Variants in ANXA7 observed in about 807,000 individuals in gnomAD.
ANXA7 encodes the protein annexin A7, also known as annexin VII.
Under a neutral mutation model 64.9 loss-of-function variants are expected in ANXA7, and 55 were observed. That is an observed-to-expected ratio of 0.85 (90% CI 0.68 to 1.06). The LOEUF is 1.06. ANXA7 is among the 50% of genes least tolerant of loss of function. The pLI, the probability that ANXA7 is intolerant of heterozygous loss-of-function variation, is 0.00. For synonymous variants in ANXA7, 200 were observed against 192.4 expected (o/e 1.04, Z -0.33); for missense variants, 548 against 582.1 (o/e 0.94, Z 0.60).
At position 73,383,108 on chromosome 10, in the gene ANXA7, C is replaced by T. The variant is rs1354996449; in HGVS notation, c.918+67G>A. The T allele has an allele frequency of 3.5e-6, 5 of 1,418,300 alleles. No homozygotes were observed. The East Asian group carries it at 7.1e-5, about 20-fold the overall frequency. 87.9% of individuals were successfully genotyped at this position (1,418,300 alleles called of 1,614,324 possible). A position where few individuals can be genotyped will look rare whatever the true frequency, so the allele number is the denominator to read the frequency against. On this transcript the variant is annotated intron_variant, in intron 9 of 12. Coordinates refer to ENST00000372921, the MANE Select transcript of ANXA7 (RefSeq NM_001156.5). ...TAAATATTAAAAGGAATAAAGAATG[C>T]TCACTGGCAAAAGGCTTTTAAAGTA...
At chr10:73,393,512 T>G (rs1172832218) in intron 5 of ANXA7, among the ~76,000 whole-genome samples, 1 of 152,008 alleles carries the variant, frequency 6.6e-6, no homozygotes, top group Non-Finnish European at 1.5e-5. Flanking sequence ...AAAACAGAGA[T>G]ATAGACCAAT....
At chr10:73,396,125 A>G (rs567451322) in intron 5 of ANXA7, 10 of 1,524,926 alleles carry the variant, frequency 6.6e-6, no homozygotes, top group Non-Finnish European at 9.1e-6. Context: ...AAAAGAGTGA[A>G]AAGTTATAAA....
rs1378998115 is a variant in ANXA7 at position 73,375,313 on chromosome 10, TTAAG to T, written c.*778_*781del. ...TTAAAATTTGCTAAGGTAGTAGATCTTAAGTGTTTTCACCACACATGAAAAAATG... is the reference window on the plus strand; with the variant it reads ...TTAAAATTTGCTAAGGTAGTAGATCTTGTTTTCACCACACATGAAAAAATG... On this transcript the variant is annotated 3_prime_UTR_variant, in exon 13 of 13. Coordinates refer to ENST00000372921, the MANE Select transcript of ANXA7 (RefSeq NM_001156.5). 2.6e-5 allele frequency: 4 copies of T among 152,196 alleles called. No individual in the cohort carries two copies. Among genetic ancestry groups the T allele is most frequent in the Non-Finnish European group, 5.9e-5 (4 of 68,026 alleles). The allele number at this position is 152,196 out of a possible 1,614,324, so 9.4% of individuals were successfully genotyped here.
intron 1 of ANXA7, among the ~76,000 whole-genome samples, chr10:73,404,728 A>ATATATATC (rs1554818520): frequency 6.7e-6 from 1 of 150,196 alleles, no homozygotes; most frequent in African/African-American, 2.5e-5. Flanking sequence ...ATATATATAT[A>ATATATATC]TCTTTTGCAT....
intron 1 of ANXA7, among the ~76,000 whole-genome samples, chr10:73,403,360 G>A (rs2055702528): frequency 6.6e-6 from 1 of 152,112 alleles, no homozygotes. Context: ...ATGGTGGTGT[G>A]CACCTGTAGT....
intron 7 of ANXA7, among the ~76,000 whole-genome samples, chr10:73,385,722 T>C (rs1363140339): frequency 3.6e-4 from 55 of 152,134 alleles, no homozygotes; most frequent in Non-Finnish European, 1.6e-4. Flanking sequence ...GGAAAATATC[T>C]TTGTGAGAAT....
chr10:73,387,846 C>CTTTTT (rs775570274), intron 6 of ANXA7, 63 bp from the exon 7 acceptor site: 30 of 551,250 alleles, frequency 5.4e-5, no homozygotes, highest in South Asian at 8.4e-5. Flanking sequence ...TTGAGGTCAT[C>CTTTTT]TTTTTTTTTT....
chr10:73,383,434 A>G, intron 8 of ANXA7, 89 bp from the exon 9 acceptor site: 1 of 1,350,558 alleles, frequency 7.4e-7, no homozygotes. Context: ...TGTTCTGTAG[A>G]ACTAAAAACT....
In ANXA7 at chr10:73,375,875, C is replaced by T; in HGVS notation, c.*220G>A. ...TACAAACATTGCAATATTACTGTAT[C>T]ATTGTGATATGGCTTTACATTGATT... is the stretch of plus-strand genomic sequence containing the variant. On this transcript the variant is annotated 3_prime_UTR_variant, in exon 13 of 13. Coordinates refer to ENST00000372921, the MANE Select transcript of ANXA7 (RefSeq NM_001156.5). 3.0e-6 allele frequency: 1 copy of T among 333,998 alleles called. No homozygotes were observed. The highest frequency in any genetic ancestry group is 5.4e-6 in the Non-Finnish European group (1 of 186,060). 20.7% of individuals were successfully genotyped at this position (333,998 alleles called of 1,614,324 possible). A position where few individuals can be genotyped will look rare whatever the true frequency, so the allele number is the denominator to read the frequency against.
At chr10:73,385,794 G>A (rs921427959) in intron 7 of ANXA7, among the ~76,000 whole-genome samples, 2 of 152,118 alleles carry the variant, frequency 1.3e-5, no homozygotes, top group Non-Finnish European at 1.5e-5. Context: ...CAGTCACTGG[G>A]CTGGGCAGAC....
intron 4 of ANXA7, 108 bp downstream of exon 4, chr10:73,397,056 A>C: frequency 2.1e-6 from 1 of 480,408 alleles, no homozygotes; most frequent in Non-Finnish European, 3.7e-6. Context: ...TTATGGAAAT[A>C]TAAACATTTA....
intron 1 of ANXA7, among the ~76,000 whole-genome samples, chr10:73,413,431 G>A (rs1163439558): frequency 6.6e-6 from 1 of 152,182 alleles, no homozygotes; most frequent in Admixed American, 6.5e-5. Flanking sequence ...CGCAGTGTTT[G>A]CACAGGATGA....
rs1025165969 is a variant in ANXA7, at chr10:73,391,200, G to C, written c.436-2786C>G. 2.0e-5 allele frequency among the ~76,000 whole-genome samples: 3 copies of C among 151,094 alleles called. 1 individual carries two copies. Among genetic ancestry groups the C allele is most frequent in the Admixed American group, 2.0e-4 (3 of 15,130 alleles). Reference sequence around the variant, plus strand: ...AAAAAAAAAAAAAGAGAGAAATCAGGATCTGTGTTCTTGAGGTTAAATTCT... The same window carrying C: ...AAAAAAAAAAAAAGAGAGAAATCAGCATCTGTGTTCTTGAGGTTAAATTCT... On this transcript the variant is annotated intron_variant, in intron 5 of 12. Transcript: ENST00000372921.
intron 1 of ANXA7, among the ~76,000 whole-genome samples, chr10:73,412,033 T>C (rs1385282036): frequency 6.6e-6 from 1 of 152,064 alleles, no homozygotes; most frequent in African/African-American, 2.4e-5. Flanking sequence ...AGAAGACTAT[T>C]TACCTTTCTT....
chr10:73,396,041 C>G (rs763511659), intron 5 of ANXA7: 2 of 1,566,854 alleles, frequency 1.3e-6, no homozygotes, highest in Admixed American at 3.3e-5. Context: ...AAACCTTACT[C>G]ACTTCACTGC....
chr10:73,408,849 A>T (rs1424025824), intron 1 of ANXA7, among the ~76,000 whole-genome samples: 1 of 152,226 alleles, frequency 6.6e-6, no homozygotes, highest in Non-Finnish European at 1.5e-5. Flanking sequence ...GTGTCATCCC[A>T]GGGATGCTGG....
chr10:73,396,613 C>A (rs374543333), intron 4 of ANXA7, 30 bp from the exon 5 acceptor site: 2 of 1,413,898 alleles, frequency 1.4e-6, no homozygotes, highest in East Asian at 2.3e-5. Flanking sequence ...AATAATAATA[C>A]GGCAACAGGT....
intron 5 of ANXA7, among the ~76,000 whole-genome samples, chr10:73,391,100 G>A (rs1380391018): frequency 4.7e-5 from 7 of 150,106 alleles, no homozygotes; most frequent in South Asian, 2.1e-4. Flanking sequence ...CCCGGGAGGC[G>A]GAGGTTGCAG....
chr10:73,397,524 C>T (rs2055595819), intron 3 of ANXA7, among the ~76,000 whole-genome samples: 1 of 152,192 alleles, frequency 6.6e-6, no homozygotes, highest in Non-Finnish European at 1.5e-5. Flanking sequence ...GTGGCACAAT[C>T]TTGGCTCACT....
Sources: gnomAD v4.1 joint callset for allele counts (sites outside exome capture counted in the v4.1 genomes callset) on GRCh38, gnomAD v4.1.1 for gene constraint, MANE v1.5 for transcripts, NCBI Gene and HGNC (gene_info 2026-07-23, HGNC 2026-07-21) for gene names.